DSCAML1: variants seen among roughly 807,000 people sequenced by gnomAD.
DSCAML1 encodes cell adhesion molecule DSCAML1.
A neutral mutation model predicts 200.5 loss-of-function variants in DSCAML1; 38 were observed. That is an observed-to-expected ratio of 0.19 (90% CI 0.15 to 0.25). DSCAML1 has a LOEUF of 0.25. DSCAML1 is among the 10% of genes least tolerant of loss of function. The probability of loss-of-function intolerance (pLI) is 1.00; values close to 1 mark genes in which losing one functional copy is unlikely to be tolerated. For synonymous variants in DSCAML1, 1,215 were observed against 1,165.0 expected (o/e 1.04, Z -0.87); for missense variants, 2,223 against 2,858.8 (o/e 0.78, Z 5.07).
Position 117,465,015 on chromosome 11 carries a change from C to T in DSCAML1, c.3192G>A (p.Val1064=). Residue 1064 remains valine (V), a synonymous_variant, in exon 17 of 33, where the codon GTG becomes GTA. Coordinates refer to ENST00000651296, the MANE Select transcript of DSCAML1 (RefSeq NM_020693.4). ...CAGCCCGATTGAAGGCTTGGACCAC[C>T]ACCCCATACTGGGCGAACTTCTTGA... The part of the protein sequence containing the change: ...DNLKKFAQYG[V]VVQAFNRAGT... 6.2e-7 allele frequency: 1 copy of T among 1,614,114 alleles called. No homozygotes were observed. Among genetic ancestry groups the T allele is most frequent in the Non-Finnish European group, 8.5e-7 (1 of 1,179,984 alleles).
chr11:117,633,120 G>A (rs1334944627), intron 3 of DSCAML1, among the ~76,000 whole-genome samples: 3 of 152,164 alleles, frequency 2.0e-5, no homozygotes, highest in Non-Finnish European at 4.4e-5. Context: ...TCTGTCATCT[G>A]GAATTTGGGG....
intron 3 of DSCAML1, among the ~76,000 whole-genome samples, chr11:117,715,431 CT>C (rs1251656883): frequency 6.6e-6 from 1 of 152,026 alleles, no homozygotes; most frequent in Non-Finnish European, 1.5e-5. Flanking sequence ...CAATGGGACT[CT>C]TTTTTTTGGT....
intron 5 of DSCAML1, among the ~76,000 whole-genome samples, chr11:117,523,898 C>T (rs959726301): frequency 1.4e-4 from 21 of 152,170 alleles, no homozygotes; most frequent in Non-Finnish European, 7.4e-5. Flanking sequence ...GGCATTTCCT[C>T]AAGGGTGTCC....
chr11:117,797,366 AG>A (rs2055604396), upstream of DSCAML1: 27 of 1,045,978 alleles, frequency 2.6e-5, no homozygotes, highest in Non-Finnish European at 3.4e-5. Context: ...CCACAAGCCC[AG>A]GAACAGGAGC....
At chr11:117,688,709 G>C (rs1430592162) in intron 3 of DSCAML1, among the ~76,000 whole-genome samples, 1 of 152,240 alleles carries the variant, frequency 6.6e-6, no homozygotes, top group Non-Finnish European at 1.5e-5. Flanking sequence ...GCCATGAAGA[G>C]AGGCTGTGGG....
In DSCAML1 at chr11:117,759,497, C is replaced by T. The variant is rs111555017; in HGVS notation, c.511+17294G>A. 2.8e-3 allele frequency among the ~76,000 whole-genome samples: 428 copies of T among 152,294 alleles called. 2 individuals are homozygous for T. Among genetic ancestry groups the T allele is most frequent in the Middle Eastern group, 6.8e-3 (2 of 294 alleles). ...GGAAGGCAAGCAGGGGATCACATTT[C>T]TCTCTCAAGTTTCCCTATTGGCTAT... On this transcript the variant is annotated intron_variant, in intron 3 of 32. Transcript: ENST00000651296.
chr11:117,756,289 A>G (rs529865348), intron 3 of DSCAML1, among the ~76,000 whole-genome samples: 1 of 152,326 alleles, frequency 6.6e-6, no homozygotes, highest in South Asian at 2.1e-4. Flanking sequence ...TGGCCTCCCA[A>G]AAAACCTTCA....
intron 11 of DSCAML1, among the ~76,000 whole-genome samples, chr11:117,490,658 G>A (rs73579876): frequency 4.4e-4 from 67 of 152,362 alleles, no homozygotes; most frequent in African/African-American, 1.5e-3. Flanking sequence ...GAACCAGTGA[G>A]GAAATGGAAG....
intron 3 of DSCAML1, among the ~76,000 whole-genome samples, chr11:117,622,643 G>A (rs1488327621): frequency 6.6e-6 from 1 of 152,080 alleles, no homozygotes; most frequent in African/African-American, 2.4e-5. Context: ...GGTTTCTCCT[G>A]GCATATTCAG....
At chr11:117,502,375 A>T (rs554636411) in intron 11 of DSCAML1, among the ~76,000 whole-genome samples, 30 of 152,328 alleles carry the variant, frequency 2.0e-4, no homozygotes, top group Admixed American at 1.7e-3. Flanking sequence ...GGAGATGAGG[A>T]GGGTTGCAGA....
At chr11:117,637,629 G>A (rs188524141) in intron 3 of DSCAML1, among the ~76,000 whole-genome samples, 3 of 152,296 alleles carry the variant, frequency 2.0e-5, no homozygotes, top group Admixed American at 2.0e-4. Context: ...ACAGGCATGA[G>A]CCACTGCTCC....
intron 3 of DSCAML1, among the ~76,000 whole-genome samples, chr11:117,608,032 A>C (rs1482513384): frequency 6.6e-6 from 1 of 152,216 alleles, no homozygotes; most frequent in African/African-American, 2.4e-5. Flanking sequence ...GGGCTAAAAG[A>C]CGTTTCATCT....
intron 8 of DSCAML1, among the ~76,000 whole-genome samples, chr11:117,515,902 G>A (rs935819175): frequency 3.9e-5 from 6 of 152,116 alleles, no homozygotes; most frequent in Non-Finnish European, 7.3e-5. Flanking sequence ...TACAACGTGA[G>A]CCACTGTGCC....
intron 3 of DSCAML1, among the ~76,000 whole-genome samples, chr11:117,682,181 C>A (rs58329329): frequency 2.0e-5 from 3 of 152,086 alleles, no homozygotes; most frequent in African/African-American, 7.2e-5. Flanking sequence ...TGTCCTCCTC[C>A]AATGGCAGCA....
chr11:117,541,985 C>T (rs2050277814), intron 3 of DSCAML1, among the ~76,000 whole-genome samples: 1 of 152,162 alleles, frequency 6.6e-6, no homozygotes, highest in Non-Finnish European at 1.5e-5. Flanking sequence ...AGTCCAGGAC[C>T]CAACATTCAG....
At chr11:117,622,161 A>C (rs570336201) in intron 3 of DSCAML1, among the ~76,000 whole-genome samples, 6 of 151,864 alleles carry the variant, frequency 4.0e-5, no homozygotes, top group Non-Finnish European at 5.9e-5. Flanking sequence ...TTAATACCAG[A>C]TTTTTTTTCC....
chr11:117,433,503 G>T (rs754268526), intron 27 of DSCAML1, 32 bp from the exon 28 acceptor site: 76 of 1,609,130 alleles, frequency 4.7e-5, no homozygotes, highest in South Asian at 1.3e-4. Context: ...GGAGGGCTGG[G>T]TGAGAATGAA....
At chr11:117,559,164 C>T (rs1352468802) in intron 3 of DSCAML1, among the ~76,000 whole-genome samples, 2 of 144,724 alleles carry the variant, frequency 1.4e-5, no homozygotes, top group Non-Finnish European at 3.0e-5. Context: ...AGAAAGACAC[C>T]AGAGATAACA....
chr11:117,499,123 C>G (rs943811880), intron 11 of DSCAML1, among the ~76,000 whole-genome samples: 2 of 152,184 alleles, frequency 1.3e-5, no homozygotes, highest in Admixed American at 6.5e-5. Flanking sequence ...GAAGAATTCT[C>G]TTTGAAGATG....
Sources: allele counts gnomAD v4.1 joint callset (sites outside exome capture counted in the v4.1 genomes callset), GRCh38; gene constraint gnomAD v4.1.1; transcripts MANE v1.5; gene names NCBI Gene and HGNC (gene_info 2026-07-23, HGNC 2026-07-21).